Variants in DLGAP2 observed in about 807,000 individuals in gnomAD.
DLGAP2 encodes the protein DLG associated protein 2.
A neutral mutation model predicts 100.3 loss-of-function variants in DLGAP2; 26 were observed. The observed-to-expected ratio is 0.26, with a 90% CI of 0.19 to 0.36. The LOEUF (loss-of-function observed/expected upper bound fraction) is 0.36, where lower values mean the gene tolerates loss of function less well. DLGAP2 is among the 10% of genes least tolerant of loss of function. The probability of loss-of-function intolerance (pLI) is 1.00; values close to 1 mark genes in which losing one functional copy is unlikely to be tolerated. For synonymous variants in DLGAP2, 886 were observed against 630.1 expected (o/e 1.41, Z -6.08); for missense variants, 1,858 against 1,453.2 (o/e 1.28, Z -4.53).
intron 3 of DLGAP2, among the ~76,000 whole-genome samples, chr8:1,419,489 A>T (rs4876035): frequency 2.0e-4 from 14 of 68,608 alleles, no homozygotes; most frequent in Non-Finnish European, 3.0e-4. Context: ...TTTTGTTTTC[A>T]TTTTATAAAT....
intron 1 of DLGAP2, among the ~76,000 whole-genome samples, chr8:897,951 G>A (rs761815823): frequency 1.3e-5 from 2 of 152,122 alleles, no homozygotes; most frequent in African/African-American, 2.4e-5. Flanking sequence ...CTGTCTCAGT[G>A]CCTGTGGTGA....
intron 13 of DLGAP2, among the ~76,000 whole-genome samples, chr8:1,693,833 G>A (rs950472495): frequency 3.3e-5 from 5 of 152,216 alleles, no homozygotes; most frequent in East Asian, 1.9e-4. Flanking sequence ...AAAGAAGCCT[G>A]TAACTGTGTA....
chr8:1,468,773 C>T (rs966929128), intron 3 of DLGAP2, among the ~76,000 whole-genome samples: 4 of 151,756 alleles, frequency 2.6e-5, no homozygotes, highest in Non-Finnish European at 2.9e-5. Context: ...GGCAGAGCTG[C>T]ACTCCCACTG....
chr8:1,186,803 A>T (rs57414278), intron 2 of DLGAP2, among the ~76,000 whole-genome samples: 19,007 of 152,142 alleles, frequency 0.12, 2,389 homozygotes, highest in African/African-American at 0.33. Context: ...AGCCACCTGC[A>T]GGAGTGCCTG....
At chr8:1,641,862 C>G (rs1797908106) in intron 8 of DLGAP2, among the ~76,000 whole-genome samples, 1 of 150,800 alleles carries the variant, frequency 6.6e-6, no homozygotes. Flanking sequence ...GAATCTGCCT[C>G]CCATACCCCT....
chr8:1,194,040 C>G (rs924188197), intron 2 of DLGAP2, among the ~76,000 whole-genome samples: 6 of 152,154 alleles, frequency 3.9e-5, no homozygotes, highest in African/African-American at 1.4e-4. Context: ...AATCCACGTA[C>G]TGTGACATTC....
rs539175209 is a variant in DLGAP2, at chr8:1,373,111, G to C, written c.106+114228G>C. The stretch of plus-strand genomic sequence containing the variant: ...TGATGACCCCGAGACCTCCGTGCCT[G>C]GGGGGGCGCCAGCATGTGGGGCGGG... On this transcript the variant is annotated intron_variant, in intron 3 of 14. Coordinates refer to ENST00000637795, the MANE Select transcript of DLGAP2 (RefSeq NM_001346810.2). 1.1e-3 allele frequency among the ~76,000 whole-genome samples: 167 copies of C among 151,916 alleles called. 1 individual carries two copies. Among genetic ancestry groups the C allele is most frequent in the Non-Finnish European group, 1.8e-3 (124 of 67,774 alleles).
chr8:1,019,839 G>C (rs906641147), intron 2 of DLGAP2: 1 of 152,204 alleles, frequency 6.6e-6, no homozygotes, highest in African/African-American at 2.4e-5. Flanking sequence ...TTGAGGCAGA[G>C]CCACTGGTTT....
intron 5 of DLGAP2, among the ~76,000 whole-genome samples, chr8:1,552,207 G>A (rs1285020666): frequency 6.6e-6 from 1 of 152,190 alleles, no homozygotes; most frequent in Non-Finnish European, 1.5e-5. Context: ...TTATCGTGCC[G>A]ACATTGGGAA....
At chr8:1,548,323 G>C (rs1258062342) in intron 4 of DLGAP2, among the ~76,000 whole-genome samples, 14 of 151,600 alleles carry the variant, frequency 9.2e-5, no homozygotes, top group Admixed American at 6.6e-5. Flanking sequence ...GCCGGGCGTG[G>C]TGGCAGGCGC....
chr8:1,280,469 C>T (rs1430170394), intron 3 of DLGAP2, among the ~76,000 whole-genome samples: 1 of 152,114 alleles, frequency 6.6e-6, no homozygotes, highest in Admixed American at 6.5e-5. Context: ...CGTTTTTAAA[C>T]AGGAAGGTAT....
chr8:1,214,090 G>A (rs535752253), intron 2 of DLGAP2, among the ~76,000 whole-genome samples: 1 of 152,234 alleles, frequency 6.6e-6, no homozygotes, highest in African/African-American at 2.4e-5. Context: ...CCCAGGCCTG[G>A]AACCCTCCCC....
chr8:1,135,195 A>C (rs1796379071), intron 2 of DLGAP2, among the ~76,000 whole-genome samples: 1 of 152,186 alleles, frequency 6.6e-6, no homozygotes, highest in Non-Finnish European at 1.5e-5. Flanking sequence ...ACCCTATATA[A>C]CATTGTGGGG....
intron 2 of DLGAP2, among the ~76,000 whole-genome samples, chr8:1,199,948 A>C: frequency 7.1e-6 from 1 of 140,424 alleles, no homozygotes; most frequent in African/African-American, 2.5e-5. Flanking sequence ...CCCCCCCACA[A>C]CCCCCCGCAG....
chr8:1,682,783 A>G (rs1332698557), intron 12 of DLGAP2, among the ~76,000 whole-genome samples: 5 of 151,600 alleles, frequency 3.3e-5, no homozygotes, highest in African/African-American at 1.2e-4. Context: ...CAGGATATCT[A>G]GTATTTCAGT....
At chr8:875,199 G>T (rs1357893863) in intron 1 of DLGAP2, among the ~76,000 whole-genome samples, 1 of 152,066 alleles carries the variant, frequency 6.6e-6, no homozygotes, top group Non-Finnish European at 1.5e-5. Context: ...AATTAAGTCT[G>T]ACAACATGCT....
At chr8:1,582,085 CCG>C (rs200031086) in intron 6 of DLGAP2, among the ~76,000 whole-genome samples, 1 of 145,358 alleles carries the variant, frequency 6.9e-6, no homozygotes, top group Non-Finnish European at 1.5e-5. Flanking sequence ...AGACAAAACC[CCG>C]CACACATACA....
rs554582430 is a variant in DLGAP2, at chr8:908,080, T to C, written c.73+114T>C. ...TGTGCATTTTTATTTTGTGGGTTGT[T>C]TTTAGTGCAAGATTGCGTATTAACT... On this transcript the variant is annotated intron_variant, in intron 2 of 14. Coordinates refer to ENST00000637795, the MANE Select transcript of DLGAP2 (RefSeq NM_001346810.2). 4 of 394,790 alleles carry C rather than the reference T, an allele frequency of 1.0e-5. No homozygotes were observed. The East Asian group carries it at 1.1e-4, about 11-fold the overall frequency. 24.5% of individuals were successfully genotyped at this position (394,790 alleles called of 1,614,324 possible). A position where few individuals can be genotyped will look rare whatever the true frequency, so the allele number is the denominator to read the frequency against.
chr8:977,794 G>T (rs1215180871), intron 2 of DLGAP2, among the ~76,000 whole-genome samples: 2 of 115,634 alleles, frequency 1.7e-5, no homozygotes, highest in African/African-American at 6.0e-5. Flanking sequence ...CGGGGATGCA[G>T]TGAGGTGCTG....
Sources: gnomAD v4.1 joint callset for allele counts (sites outside exome capture counted in the v4.1 genomes callset) on GRCh38, gnomAD v4.1.1 for gene constraint, MANE v1.5 for transcripts, NCBI Gene and HGNC (gene_info 2026-07-23, HGNC 2026-07-21) for gene names.